The following CNTN4 variants were observed in gnomAD, a reference collection of about 807,000 sequenced individuals.
CNTN4 encodes contactin 4, also known as contactin-4.
CNTN4 carries 77 observed loss-of-function variants against 122.5 expected under a neutral mutation model. The observed-to-expected ratio is 0.63, with a 90% CI of 0.52 to 0.76. CNTN4 has a LOEUF of 0.76. CNTN4 is among the 30% of genes least tolerant of loss of function. CNTN4 has a pLI of 0.00. For missense variants in CNTN4, 1,256 were observed against 1,259.1 expected (o/e 1.00, Z 0.04); for synonymous variants, 512 against 447.0 (o/e 1.15, Z -1.83).
chr3:2,353,046 G>A (rs2044704185), intron 3 of CNTN4, among the ~76,000 whole-genome samples: 1 of 151,856 alleles, frequency 6.6e-6, no homozygotes, highest in African/African-American at 2.4e-5. Flanking sequence ...TTGTAAACGT[G>A]CCAATCAGTG....
intron 14 of CNTN4, among the ~76,000 whole-genome samples, chr3:2,996,924 G>A (rs548718091): frequency 6.6e-6 from 1 of 152,142 alleles, no homozygotes; most frequent in Non-Finnish European, 1.5e-5. Flanking sequence ...CATTATTACA[G>A]TTATATATTT....
chr3:2,349,643 G>A (rs1194059046), intron 3 of CNTN4, among the ~76,000 whole-genome samples: 2 of 152,162 alleles, frequency 1.3e-5, no homozygotes, highest in African/African-American at 2.4e-5. Flanking sequence ...GTTTGAACTT[G>A]TAGAGAAAAT....
chr3:2,948,554 C>A (rs986235003), intron 13 of CNTN4, among the ~76,000 whole-genome samples: 1 of 152,128 alleles, frequency 6.6e-6, no homozygotes, highest in African/African-American at 2.4e-5. Context: ...GTATCCATAT[C>A]TTTGAAATCC....
chr3:2,192,383 C>T (rs1251422355), intron 2 of CNTN4, among the ~76,000 whole-genome samples: 3 of 152,112 alleles, frequency 2.0e-5, no homozygotes, highest in Admixed American at 6.6e-5. Flanking sequence ...ACATCCTCTC[C>T]AGCACCTGTT....
chr3:2,544,845 T>G (rs891555158), intron 3 of CNTN4, among the ~76,000 whole-genome samples: 2 of 151,946 alleles, frequency 1.3e-5, no homozygotes, highest in Non-Finnish European at 2.9e-5. Flanking sequence ...TGATCTTTTG[T>G]GTGGTTTTTC....
At chr3:2,199,936 G>C (rs1304489592) in intron 2 of CNTN4, among the ~76,000 whole-genome samples, 1 of 152,150 alleles carries the variant, frequency 6.6e-6, no homozygotes, top group East Asian at 1.9e-4. Flanking sequence ...AGCATATGAA[G>C]GTCATTGTGA....
chr3:2,628,868 G>A (rs1396041977), intron 4 of CNTN4, among the ~76,000 whole-genome samples: 2 of 152,110 alleles, frequency 1.3e-5, no homozygotes, highest in African/African-American at 4.8e-5. Context: ...AACCCAAAAG[G>A]GTTTTTTTGT....
At chr3:2,605,418 G>A (rs931017477) in intron 4 of CNTN4, among the ~76,000 whole-genome samples, 1 of 152,018 alleles carries the variant, frequency 6.6e-6, no homozygotes, top group Non-Finnish European at 1.5e-5. Context: ...CCTGTAGCAA[G>A]GTAAAGACTT....
chr3:2,680,632 G>A (rs1475495876), intron 4 of CNTN4, among the ~76,000 whole-genome samples: 1 of 152,072 alleles, frequency 6.6e-6, no homozygotes, highest in Non-Finnish European at 1.5e-5. Flanking sequence ...ACACATAATT[G>A]TAGTCCAATG....
chr3:2,626,512 A>G (rs962589851), intron 4 of CNTN4, among the ~76,000 whole-genome samples: 4 of 151,940 alleles, frequency 2.6e-5, no homozygotes, highest in Non-Finnish European at 4.4e-5. Context: ...AAAAACAACA[A>G]AAAACAAACA....
chr3:2,396,322 G>A (rs2046638711), intron 3 of CNTN4, among the ~76,000 whole-genome samples: 1 of 152,150 alleles, frequency 6.6e-6, no homozygotes, highest in Admixed American at 6.5e-5. Context: ...AAAGCGCCCA[G>A]CCTAGCCTGT....
At chr3:2,823,434 C>T (rs1404735672) in intron 7 of CNTN4, among the ~76,000 whole-genome samples, 7 of 152,188 alleles carry the variant, frequency 4.6e-5, no homozygotes, top group African/African-American at 1.7e-4. Flanking sequence ...GTATTTCCAG[C>T]ACTCTACCAA....
At chr3:2,378,030 T>C (rs2045886750) in intron 3 of CNTN4, among the ~76,000 whole-genome samples, 1 of 152,246 alleles carries the variant, frequency 6.6e-6, no homozygotes, top group Non-Finnish European at 1.5e-5. Context: ...GATGGCATCG[T>C]TACTGACTCT....
intron 6 of CNTN4, among the ~76,000 whole-genome samples, chr3:2,747,285 TGTAGTC>T (rs1298425024): frequency 5.3e-5 from 8 of 151,408 alleles, no homozygotes; most frequent in African/African-American, 7.3e-5. Context: ...GGCAGGTGCC[TGTAGTC>T]CCAGCTGCTC....
intron 4 of CNTN4, among the ~76,000 whole-genome samples, chr3:2,691,118 A>G (rs1459454681): frequency 1.3e-5 from 2 of 152,122 alleles, no homozygotes; most frequent in Non-Finnish European, 2.9e-5. Flanking sequence ...TTTAATATGT[A>G]TGGCTTGTCT....
chr3:2,845,861 C>T (rs1020349392), intron 7 of CNTN4, among the ~76,000 whole-genome samples: 1 of 152,204 alleles, frequency 6.6e-6, no homozygotes, highest in African/African-American at 2.4e-5. Flanking sequence ...TTCTCCTATA[C>T]ATCTCATTTA....
At chr3:3,046,395 A>G (rs916549139) in intron 23 of CNTN4, among the ~76,000 whole-genome samples, 2 of 152,258 alleles carry the variant, frequency 1.3e-5, no homozygotes, top group Non-Finnish European at 2.9e-5. Flanking sequence ...CAGGTTACCC[A>G]CAAAGGGAAG....
intron 4 of CNTN4, among the ~76,000 whole-genome samples, chr3:2,714,641 G>T (rs186032493): frequency 1.3e-5 from 2 of 152,304 alleles, no homozygotes; most frequent in East Asian, 3.9e-4. Flanking sequence ...AAACCAACCA[G>T]AACAGAACCA....
At chr3:2,944,630 C>T (rs1408033318) in intron 13 of CNTN4, among the ~76,000 whole-genome samples, 1 of 152,186 alleles carries the variant, frequency 6.6e-6, no homozygotes, top group African/African-American at 2.4e-5. Context: ...TTTCAAATTT[C>T]AAATGATAGC....
Sources: allele counts gnomAD v4.1 joint callset (sites outside exome capture counted in the v4.1 genomes callset), GRCh38; gene constraint gnomAD v4.1.1; transcripts MANE v1.5; gene names NCBI Gene and HGNC (gene_info 2026-07-23, HGNC 2026-07-21).